ANO3: variants seen among roughly 807,000 people sequenced by gnomAD.
ANO3 encodes the protein anoctamin-3.
ANO3 carries 99 observed loss-of-function variants against 144.8 expected under a neutral mutation model. That is an observed-to-expected ratio of 0.68 (90% confidence interval 0.58 to 0.81). ANO3 has a LOEUF of 0.81. ANO3 is among the 30% of genes least tolerant of loss of function. The pLI is 0.00. For missense variants in ANO3, 905 were observed against 1,202.2 expected, an observed-to-expected ratio of 0.75 and a Z score of 3.66; for synonymous variants, 414 against 392.6, an observed-to-expected ratio of 1.05 and a Z score of -0.64.
intron 1 of ANO3, among the ~76,000 whole-genome samples, chr11:26,211,448 A>G (rs1408483784): frequency 6.6e-6 from 1 of 152,014 alleles, no homozygotes; most frequent in Non-Finnish European, 1.5e-5. Context: ...GTGGCCAATG[A>G]ACATATGAAA....
intron 1 of ANO3, among the ~76,000 whole-genome samples, chr11:26,350,100 G>C (rs1855604284): frequency 6.6e-6 from 1 of 152,158 alleles, no homozygotes; most frequent in Non-Finnish European, 1.5e-5. Flanking sequence ...GAAAGAAACA[G>C]ATCTATGTGG....
chr11:26,235,801 T>C (rs1180898779), intron 1 of ANO3, among the ~76,000 whole-genome samples: 4 of 129,348 alleles, frequency 3.1e-5, no homozygotes, highest in African/African-American at 1.0e-4. Context: ...CTATTGATTC[T>C]ATGTAATCAT....
chr11:26,383,888 CTTTTTTTTTTTTT>C (rs61094091), intron 1 of ANO3, among the ~76,000 whole-genome samples: 2 of 70,148 alleles, frequency 2.9e-5, no homozygotes, highest in East Asian at 5.6e-4. Flanking sequence ...ATGCATTGTT[CTTTTTTTTTTTTT>C]TTTTTTTTTT....
chr11:26,511,119 T>C (rs1318516447), intron 5 of ANO3, among the ~76,000 whole-genome samples: 3 of 152,206 alleles, frequency 2.0e-5, no homozygotes, highest in East Asian at 1.9e-4. Context: ...TCAACCTCAA[T>C]TGCATGTTGT....
At chr11:26,321,179 C>T (rs1215379604) in intron 1 of ANO3, among the ~76,000 whole-genome samples, 1 of 151,960 alleles carries the variant, frequency 6.6e-6, no homozygotes, top group Non-Finnish European at 1.5e-5. Context: ...AAGATGCATG[C>T]TTCTATTTCC....
chr11:26,616,506 A>G (rs943330155), intron 17 of ANO3, among the ~76,000 whole-genome samples: 1 of 150,156 alleles, frequency 6.7e-6, no homozygotes, highest in Non-Finnish European at 1.5e-5. Flanking sequence ...TGAAAAGATT[A>G]ATGAACTAGC....
chr11:26,531,475 A>C, intron 8 of ANO3, 139 bp downstream of exon 8: 4 of 970,860 alleles, frequency 4.1e-6, no homozygotes, highest in Non-Finnish European at 5.9e-6. Context: ...TACACACTTA[A>C]CTTATAAACA....
At chr11:26,214,123 G>C (rs915397867) in intron 1 of ANO3, among the ~76,000 whole-genome samples, 2 of 152,044 alleles carry the variant, frequency 1.3e-5, no homozygotes, top group East Asian at 3.9e-4. Flanking sequence ...TTTTCCATGA[G>C]ATAAGTGTAA....
Position 26,660,310 on chromosome 11 carries a change from G to T in ANO3, c.2812G>T (p.Val938Leu). The T allele has an allele frequency of 1.2e-6, 2 of 1,613,214 alleles. No individual in the cohort carries two copies. Among genetic ancestry groups the T allele is most frequent in the Non-Finnish European group, 1.7e-6 (2 of 1,179,520 alleles). Residue 938 changes from valine (V) to leucine (L), a missense_variant, in exon 27 of 27, where the codon GTA becomes TTA. Physicochemically the swap from Val to Leu is conservative, Grantham distance 32. Transcript: ENST00000256737. ...KSFIAYLIPD[V>L]PKGLHDRIRR... ...ATTCATCGCATACCTGATTCCAGAC[G>T]TACCAAAGGGTCTACATGACCGAAT...
intron 3 of ANO3, among the ~76,000 whole-genome samples, chr11:26,453,464 A>C (rs1859027207): frequency 6.6e-6 from 1 of 152,180 alleles, no homozygotes; most frequent in Non-Finnish European, 1.5e-5. Flanking sequence ...AAACCAACAA[A>C]GATCAAAAGA....
intron 1 of ANO3, among the ~76,000 whole-genome samples, chr11:26,431,675 C>A (rs1858095840): frequency 2.0e-5 from 3 of 152,166 alleles, no homozygotes; most frequent in African/African-American, 7.2e-5. Flanking sequence ...CTGTGTTAGA[C>A]TGCTAAAAAT....
chr11:26,350,006 C>A (rs1253631483), intron 1 of ANO3, among the ~76,000 whole-genome samples: 1 of 151,468 alleles, frequency 6.6e-6, no homozygotes, highest in East Asian at 1.9e-4. Flanking sequence ...CCTTAGAAAT[C>A]ATTAATCTGA....
At chr11:26,647,059 T>G (rs1853368348) in intron 23 of ANO3, among the ~76,000 whole-genome samples, 1 of 152,182 alleles carries the variant, frequency 6.6e-6, no homozygotes, top group South Asian at 2.1e-4. Context: ...AGGATATTTT[T>G]TTCTCATACA....
chr11:26,286,031 A>G (rs549116028), intron 1 of ANO3: 1 of 152,328 alleles, frequency 6.6e-6, no homozygotes, highest in South Asian at 2.1e-4. Flanking sequence ...CTGACATCAG[A>G]TAAAGTGGCA....
At chr11:26,571,995 TG>T in intron 14 of ANO3, 1 of 736,630 alleles carries the variant, frequency 1.4e-6, no homozygotes, top group Non-Finnish European at 1.7e-6. Context: ...GAGTAGAGAG[TG>T]AAAGAGAGAA....
chr11:26,320,702 A>G (rs1267202331), intron 1 of ANO3, among the ~76,000 whole-genome samples: 1 of 152,094 alleles, frequency 6.6e-6, no homozygotes, highest in African/African-American at 2.4e-5. Flanking sequence ...CCTTTACATA[A>G]TGTTTCTGTT....
intron 14 of ANO3, among the ~76,000 whole-genome samples, chr11:26,591,238 T>A (rs559797825): frequency 1.3e-5 from 2 of 152,212 alleles, no homozygotes; most frequent in African/African-American, 4.8e-5. Flanking sequence ...ACTCAAGTGA[T>A]GTTGGGGAGG....
chr11:26,258,025 A>C (rs1434498830), intron 1 of ANO3, among the ~76,000 whole-genome samples: 1 of 152,126 alleles, frequency 6.6e-6, no homozygotes, highest in Non-Finnish European at 1.5e-5. Flanking sequence ...CGGATATAAC[A>C]TATGTGAGTG....
intron 1 of ANO3, among the ~76,000 whole-genome samples, chr11:26,332,758 A>G (rs1399146029): frequency 6.6e-6 from 1 of 152,124 alleles, no homozygotes. Context: ...TCATAAGATA[A>G]ATGAATTCTT....
Sources: gnomAD v4.1 joint callset for allele counts (sites outside exome capture counted in the v4.1 genomes callset) on GRCh38, gnomAD v4.1.1 for gene constraint, MANE v1.5 for transcripts, NCBI Gene and HGNC (gene_info 2026-07-23, HGNC 2026-07-21) for gene names.